The following ARSB variants were observed in gnomAD, a reference collection of about 807,000 sequenced individuals.
ARSB encodes the protein N-acetylgalactosamine-4-sulfatase.
A neutral mutation model predicts 50.9 loss-of-function variants in ARSB; 41 were observed. That is an observed-to-expected ratio of 0.81 (90% CI 0.63 to 1.04). The LOEUF is 1.04. Ranked by LOEUF, ARSB falls within the 50% of genes least tolerant of loss-of-function variation. ARSB has a pLI of 0.00. For synonymous variants in ARSB, 269 were observed against 284.8 expected, an observed-to-expected ratio of 0.94 and a Z score of 0.56; for missense variants, 672 against 693.3, an observed-to-expected ratio of 0.97 and a Z score of 0.35.
chr5:78,927,488 T>C (rs748762412), intron 4 of ARSB, among the ~76,000 whole-genome samples: 16 of 152,198 alleles, frequency 1.1e-4, no homozygotes, highest in Non-Finnish European at 2.4e-4. Flanking sequence ...TTCCTTTAAT[T>C]TATGAGTAGA....
intron 4 of ARSB, among the ~76,000 whole-genome samples, chr5:78,904,863 A>AT (rs1748974630): frequency 6.6e-6 from 1 of 151,198 alleles, no homozygotes; most frequent in Non-Finnish European, 1.5e-5. Flanking sequence ...TAATTTTTGT[A>AT]TTTTTTGGTA....
intron 4 of ARSB, among the ~76,000 whole-genome samples, chr5:78,897,508 A>G (rs1020725682): frequency 1.3e-5 from 2 of 152,222 alleles, no homozygotes; most frequent in South Asian, 2.1e-4. Flanking sequence ...AAGCTTATAA[A>G]TAATTCTAAC....
intron 4 of ARSB, among the ~76,000 whole-genome samples, chr5:78,920,703 T>A (rs955961777): frequency 6.6e-6 from 1 of 152,172 alleles, no homozygotes; most frequent in Non-Finnish European, 1.5e-5. Context: ...CATCTGGTGA[T>A]CTGACTCCTA....
Position 78,964,551 on chromosome 5 carries a change from G to C in ARSB, c.555C>G (p.Asp185Glu). 1.2e-6 allele frequency: 2 copies of C among 1,613,960 alleles called. No individual in the cohort carries two copies. Among genetic ancestry groups the C allele is most frequent in the Non-Finnish European group, 1.7e-6 (2 of 1,179,908 alleles). The change falls in exon 3 of 8, where the codon GAC becomes GAG. Residue 185 changes from aspartate to glutamate, a missense_variant. By Grantham distance (45) the Asp-to-Glu change is conservative. Transcript: ENST00000264914. Reference protein sequence around the residue: ...YYSHERCTLIDALNVTRCALD... With the variant: ...YYSHERCTLIEALNVTRCALD... The stretch of plus-strand genomic sequence containing the variant: ...GAGCACATCGTGTGACATTCAGAGC[G>C]TCAATTAATGTACAGCGTTCATGGG...
chr5:78,970,280 C>G (rs541465466), intron 1 of ARSB, among the ~76,000 whole-genome samples: 3 of 152,112 alleles, frequency 2.0e-5, no homozygotes, highest in Non-Finnish European at 2.9e-5. Context: ...ATACAACAAC[C>G]TAGCAAACTT....
intron 6 of ARSB, among the ~76,000 whole-genome samples, chr5:78,832,761 T>A (rs778616048): frequency 2.4e-4 from 37 of 152,154 alleles, no homozygotes; most frequent in Non-Finnish European, 4.3e-4. Flanking sequence ...AATGAAATAG[T>A]AACAAAGCTG....
chr5:78,966,940 A>C (rs1580139571), intron 2 of ARSB, among the ~76,000 whole-genome samples: 1 of 151,852 alleles, frequency 6.6e-6, no homozygotes, highest in African/African-American at 2.4e-5. Flanking sequence ...AAAAAAAAAA[A>C]AAAAGCTAAG....
chr5:78,845,089 T>C (rs1423649356), intron 5 of ARSB, among the ~76,000 whole-genome samples: 3 of 152,026 alleles, frequency 2.0e-5, no homozygotes, highest in African/African-American at 7.2e-5. Flanking sequence ...TTTGCTTCTA[T>C]GAGATCAACG....
In ARSB at chr5:78,964,420, T is replaced by G; in HGVS notation, c.686A>C (p.Glu229Ala). The change falls in exon 3 of 8, where the codon GAG becomes GCG. Residue 229 changes from glutamate (E) to alanine (A), a missense_variant. By Grantham distance (107) the Glu-to-Ala change is moderately radical. Transcript: ENST00000264914. Reference protein sequence around the residue: ...AIALITNHPPEKPLFLYLALQ... With the variant: ...AIALITNHPPAKPLFLYLALQ... ...GTAAATAGAAGCAAAACTTACCTTC[T>G]CTGGTGGATGGTTAGTTATGAGGGC... 1 of 1,613,818 alleles carries G rather than the reference T, an allele frequency of 6.2e-7. No individual in the cohort carries two copies.
intron 5 of ARSB, among the ~76,000 whole-genome samples, chr5:78,870,444 C>T (rs1384709723): frequency 7.4e-6 from 1 of 135,654 alleles, no homozygotes; most frequent in African/African-American, 2.7e-5. Flanking sequence ...AATCCAGCAG[C>T]ACATCAAAAA....
At chr5:78,864,509 A>G (rs891202461) in intron 5 of ARSB, among the ~76,000 whole-genome samples, 2 of 152,174 alleles carry the variant, frequency 1.3e-5, no homozygotes, top group African/African-American at 4.8e-5. Flanking sequence ...TTATGGGAGT[A>G]CAGTTCCAGA....
intron 4 of ARSB, among the ~76,000 whole-genome samples, chr5:78,934,124 C>T (rs1750477689): frequency 6.6e-6 from 1 of 152,228 alleles, no homozygotes; most frequent in East Asian, 1.9e-4. Context: ...ATGGTCTCTG[C>T]ATTAGCCCTA....
chr5:78,798,399 A>G (rs1221389376), intron 6 of ARSB, among the ~76,000 whole-genome samples: 1 of 152,062 alleles, frequency 6.6e-6, no homozygotes, highest in Non-Finnish European at 1.5e-5. Flanking sequence ...AAAAAAAAAA[A>G]AAAAGGGAAA....
chr5:78,793,385 A>G (rs563079532), intron 6 of ARSB, among the ~76,000 whole-genome samples: 1 of 152,234 alleles, frequency 6.6e-6, no homozygotes, highest in South Asian at 2.1e-4. Flanking sequence ...CTCCACACTT[A>G]CCTTACACAT....
intron 6 of ARSB, among the ~76,000 whole-genome samples, chr5:78,800,249 C>T (rs1232761901): frequency 6.6e-6 from 1 of 151,080 alleles, no homozygotes; most frequent in Non-Finnish European, 1.5e-5. Flanking sequence ...ACCCAGGAGG[C>T]AGAGGTTGCA....
chr5:78,783,827 A>G (rs1438973349), intron 6 of ARSB, among the ~76,000 whole-genome samples: 1 of 152,216 alleles, frequency 6.6e-6, no homozygotes, highest in Non-Finnish European at 1.5e-5. Flanking sequence ...AACATAAAAT[A>G]CCTAAACAAT....
In ARSB at chr5:78,801,394, C is replaced by T. The variant is rs146836359; in HGVS notation, c.1214-19420G>A. On this transcript the variant is annotated intron_variant, in intron 6 of 7. Coordinates refer to ENST00000264914, the MANE Select transcript of ARSB (RefSeq NM_000046.5). ...GTTGGATTGGTCAAGTAAGTCTAGA[C>T]GATGAATAGAGCAGGAAAAAGGACT... 3.4e-4 allele frequency among the ~76,000 whole-genome samples: 52 copies of T among 152,150 alleles called. 1 individual carries two copies. Among genetic ancestry groups the T allele is most frequent in the African/African-American group, 1.2e-3 (48 of 41,502 alleles).
chr5:78,821,387 C>T (rs1744216231), intron 6 of ARSB, among the ~76,000 whole-genome samples: 1 of 152,234 alleles, frequency 6.6e-6, no homozygotes, highest in Non-Finnish European at 1.5e-5. Flanking sequence ...ATCCACCCAC[C>T]TCAGCCTCCC....
intron 5 of ARSB, among the ~76,000 whole-genome samples, chr5:78,860,748 A>G (rs1746394278): frequency 1.3e-5 from 2 of 152,226 alleles, no homozygotes. Flanking sequence ...AGAAGGCAAG[A>G]AATAACTAAC....
Sources: allele counts gnomAD v4.1 joint callset (sites outside exome capture counted in the v4.1 genomes callset), GRCh38; gene constraint gnomAD v4.1.1; transcripts MANE v1.5; gene names NCBI Gene and HGNC (gene_info 2026-07-23, HGNC 2026-07-21).